EXOSC7: variants seen among roughly 807,000 people sequenced by gnomAD.
EXOSC7 encodes exosome complex component RRP42.
In EXOSC7, 25 loss-of-function variants were observed where a neutral mutation model predicts 34.3. The ratio of observed to expected loss-of-function variants is 0.73; its 90% CI spans 0.53 to 1.02. EXOSC7 has a LOEUF of 1.02. Among genes scored for constraint, EXOSC7 ranks in the 50% least tolerant of loss-of-function variants. The pLI is 0.00. For synonymous variants in EXOSC7, 130 were observed against 143.0 expected (o/e 0.91, Z 0.65); for missense variants, 370 against 368.5 (o/e 1.00, Z -0.03).
intron 2 of EXOSC7, 127 bp from the exon 3 acceptor site, chr3:44,989,423 C>A: frequency 2.3e-6 from 2 of 852,580 alleles, no homozygotes; most frequent in Non-Finnish European, 3.8e-6. Context: ...CCTCCAAAGA[C>A]CACTTTCCAA....
intron 4 of EXOSC7, 126 bp from the exon 5 acceptor site, chr3:45,001,412 C>T: frequency 1.4e-6 from 1 of 726,186 alleles, no homozygotes; most frequent in Non-Finnish European, 2.4e-6. Context: ...CACTGCACTC[C>T]AGCCTGAGTG....
intron 5 of EXOSC7, chr3:45,005,061 TG>T: frequency 2.0e-6 from 1 of 488,948 alleles, no homozygotes; most frequent in East Asian, 3.2e-5. Context: ...TTTTTTCCAT[TG>T]GGATATCTGA....
At chr3:44,982,007 C>T (rs1476717358) in intron 1 of EXOSC7, among the ~76,000 whole-genome samples, 3 of 152,190 alleles carry the variant, frequency 2.0e-5, no homozygotes, top group East Asian at 3.8e-4. Context: ...GTGTGGCTGT[C>T]TGTCTTTATC....
At chr3:44,994,856 G>GGTGTGT (rs34579096) in intron 3 of EXOSC7, among the ~76,000 whole-genome samples, 2,909 of 134,850 alleles carry the variant, frequency 0.022, 41 homozygotes, top group Non-Finnish European at 0.026. Context: ...TGGAAGAATG[G>GGTGTGT]GTGTGTGTGT....
At chr3:44,998,595 A>G (rs918629263) in intron 4 of EXOSC7, among the ~76,000 whole-genome samples, 3 of 152,232 alleles carry the variant, frequency 2.0e-5, no homozygotes, top group Admixed American at 6.5e-5. Context: ...CTGGCTCTGC[A>G]TGTTGGCTCT....
At chr3:44,976,612 A>C (rs1261084990) in intron 1 of EXOSC7, among the ~76,000 whole-genome samples, 3 of 152,150 alleles carry the variant, frequency 2.0e-5, no homozygotes, top group African/African-American at 7.2e-5. Context: ...GTGAGAGAGC[A>C]TCGGCCCCAG....
chr3:45,003,652 G>T (rs1183079078), intron 5 of EXOSC7, among the ~76,000 whole-genome samples: 1 of 152,132 alleles, frequency 6.6e-6, no homozygotes, highest in Non-Finnish European at 1.5e-5. Context: ...CTCCAACCCA[G>T]CCTGGAGTGA....
chr3:45,007,518 C>T lies in EXOSC7; in HGVS notation c.714C>T (p.Cys238=), dbSNP rs1308792079. 6 of 1,613,876 alleles carry T rather than the reference C, an allele frequency of 3.7e-6. No individual in the cohort carries two copies. The highest frequency in any genetic ancestry group is 5.1e-6 in the Non-Finnish European group (6 of 1,179,848). ...TGACCAGCAAGGGAGTTGTGACGTG[C>T]ATGAGGAAAGTGGGGAAGGGCAGCC... ...VSVTSKGVVT[C]MRKVGKGSLD... The change falls in exon 7 of 8, where the codon TGC becomes TGT. Residue 238 remains cysteine, a synonymous_variant. Coordinates refer to ENST00000265564, the MANE Select transcript of EXOSC7 (RefSeq NM_015004.4).
chr3:44,977,809 A>C (rs1447385735), intron 1 of EXOSC7, among the ~76,000 whole-genome samples: 1 of 152,050 alleles, frequency 6.6e-6, no homozygotes, highest in Non-Finnish European at 1.5e-5. Flanking sequence ...TGATGTAGTG[A>C]CTCTGTCATG....
intron 3 of EXOSC7, among the ~76,000 whole-genome samples, chr3:44,994,855 G>GT (rs1706673839): frequency 8.9e-6 from 1 of 112,396 alleles, no homozygotes; most frequent in African/African-American, 3.5e-5. Flanking sequence ...GTGGAAGAAT[G>GT]GGTGTGTGTG....
chr3:45,001,630 T>C (rs1195783410), intron 5 of EXOSC7, 22 bp downstream of exon 5: 3 of 1,562,054 alleles, frequency 1.9e-6, no homozygotes, highest in East Asian at 4.5e-5. Context: ...TAGAAACAGC[T>C]CTGCGAACCT....
intron 1 of EXOSC7, among the ~76,000 whole-genome samples, chr3:44,984,870 G>A (rs1299140138): frequency 6.6e-6 from 1 of 152,204 alleles, no homozygotes; most frequent in Non-Finnish European, 1.5e-5. Context: ...TAGATCTGTA[G>A]AATTAGAGAA....
Position 44,976,254 on chromosome 3 carries a change from C to G in EXOSC7, c.-24C>G, listed in dbSNP as rs765609131. The G allele has an allele frequency of 1.8e-5, 27 of 1,533,924 alleles. No individual in the cohort carries two copies. In the South Asian group the frequency reaches 2.7e-4, roughly 15 times the overall value. ...GGAGGGGACGCGCGCAGATGACGTG[C>G]GGCTCGTGGGGCAGCTCGGCAGCAT... On this transcript the variant is annotated 5_prime_UTR_variant, in exon 1 of 8. Transcript: ENST00000265564.
intron 4 of EXOSC7, among the ~76,000 whole-genome samples, chr3:45,000,811 G>A (rs1224733396): frequency 1.3e-5 from 2 of 152,170 alleles, no homozygotes; most frequent in African/African-American, 4.8e-5. Context: ...AACACTTGGA[G>A]TACAATTGGG....
intron 6 of EXOSC7, among the ~76,000 whole-genome samples, chr3:45,007,129 T>C (rs527867795): frequency 7.4e-4 from 113 of 152,314 alleles, no homozygotes; most frequent in Admixed American, 2.4e-3. Flanking sequence ...TGTGCCCCTC[T>C]GTTGGAAAGC....
intron 4 of EXOSC7, among the ~76,000 whole-genome samples, chr3:44,998,950 T>A (rs1277141019): frequency 6.6e-6 from 1 of 152,170 alleles, no homozygotes; most frequent in Non-Finnish European, 1.5e-5. Context: ...AGTTCCATCC[T>A]GTGTCTGAAG....
At chr3:44,995,876 C>T (rs1354017805) in intron 3 of EXOSC7, among the ~76,000 whole-genome samples, 1 of 152,246 alleles carries the variant, frequency 6.6e-6, no homozygotes, top group Non-Finnish European at 1.5e-5. Context: ...AGGGTGGGCA[C>T]TGCCATGGGC....
At chr3:44,983,970 T>C (rs1367858011) in intron 1 of EXOSC7, among the ~76,000 whole-genome samples, 5 of 152,172 alleles carry the variant, frequency 3.3e-5, no homozygotes, top group Non-Finnish European at 1.5e-5. Flanking sequence ...AAATTATGCA[T>C]GCTTGGAAAG....
downstream of EXOSC7, chr3:45,011,482 T>C: frequency 1.7e-6 from 1 of 577,950 alleles, no homozygotes; most frequent in Non-Finnish European, 3.0e-6. Context: ...TGGTTTGGTA[T>C]GTCTAGAGTT....
Sources: allele counts gnomAD v4.1 joint callset (sites outside exome capture counted in the v4.1 genomes callset), GRCh38; gene constraint gnomAD v4.1.1; transcripts MANE v1.5; gene names NCBI Gene and HGNC (gene_info 2026-07-23, HGNC 2026-07-21).